The following ST6GALNAC5 variants were observed in gnomAD, a reference collection of about 807,000 sequenced individuals.
ST6GALNAC5 encodes the protein ST6 N-acetylgalactosaminide alpha-2,6-sialyltransferase 5, also known as alpha-N-acetylgalactosaminide alpha-2,6-sialyltransferase 5.
A neutral mutation model predicts 33.6 loss-of-function variants in ST6GALNAC5; 27 were observed. The ratio of observed to expected loss-of-function variants is 0.80; its 90% CI spans 0.59 to 1.11. The LOEUF is 1.11. ST6GALNAC5 is among the 50% of genes least tolerant of loss of function. The pLI, the probability that ST6GALNAC5 is intolerant of heterozygous loss-of-function variation, is 0.00. For synonymous variants in ST6GALNAC5, 194 were observed against 171.2 expected (o/e 1.13, Z -1.04); for missense variants, 428 against 454.0 (o/e 0.94, Z 0.52).
At position 77,002,666 on chromosome 1, in the gene ST6GALNAC5, G is replaced by A. The variant is rs1306995841; in HGVS notation, c.262-41538G>A. On this transcript the variant is annotated intron_variant, in intron 2 of 4. Coordinates refer to ENST00000477717, the MANE Select transcript of ST6GALNAC5 (RefSeq NM_030965.3). ...TCCCTCTACACACTGCTTTGAATGC[G>A]TCCCAGAGATTCTGGTATGTTGTGT... Among the ~76,000 whole-genome samples the A allele has an allele frequency of 4.6e-5, 7 of 150,854 alleles. No homozygotes were observed. In the South Asian group the frequency reaches 6.4e-4, roughly 14 times the overall value.
rs550029981 is a variant in ST6GALNAC5, at chr1:76,898,853, G to A, written c.261+30111G>A. Reference sequence around the variant, plus strand: ...GAATTCGGACCTAGCTCGGCCTGGCGAGGAAGGGAGAGGTCAGATGGGTCT... The same window carrying A: ...GAATTCGGACCTAGCTCGGCCTGGCAAGGAAGGGAGAGGTCAGATGGGTCT... On this transcript the variant is annotated intron_variant, in intron 2 of 4. Coordinates refer to ENST00000477717, the MANE Select transcript of ST6GALNAC5 (RefSeq NM_030965.3). Among the ~76,000 whole-genome samples, 70 of 152,204 alleles carry A rather than the reference G, an allele frequency of 4.6e-4. 2 individuals carry two copies. The highest frequency in any genetic ancestry group is 3.4e-4 in the African/African-American group (14 of 41,512).
chr1:77,036,238 A>G (rs999149472), intron 2 of ST6GALNAC5, among the ~76,000 whole-genome samples: 2 of 152,198 alleles, frequency 1.3e-5, no homozygotes, highest in African/African-American at 4.8e-5. Context: ...TAAAAAGTAG[A>G]TTAGTGGTTG....
At chr1:76,939,542 A>T (rs1647277382) in intron 2 of ST6GALNAC5, among the ~76,000 whole-genome samples, 1 of 152,106 alleles carries the variant, frequency 6.6e-6, no homozygotes, top group African/African-American at 2.4e-5. Context: ...CCCATGGTCC[A>T]CAAAATGTGA....
intron 2 of ST6GALNAC5, among the ~76,000 whole-genome samples, chr1:77,021,686 C>A (rs959437767): frequency 1.3e-5 from 2 of 152,156 alleles, no homozygotes; most frequent in African/African-American, 4.8e-5. Flanking sequence ...CCTTTCTCCT[C>A]TCTGATTGCT....
chr1:76,928,108 A>G (rs916412831), intron 2 of ST6GALNAC5, among the ~76,000 whole-genome samples: 2 of 152,060 alleles, frequency 1.3e-5, no homozygotes, highest in Admixed American at 6.6e-5. Context: ...CTTTGCTGTT[A>G]CTCAACAGTT....
At chr1:77,036,706 T>C (rs1306219771) in intron 2 of ST6GALNAC5, among the ~76,000 whole-genome samples, 1 of 152,282 alleles carries the variant, frequency 6.6e-6, no homozygotes, top group East Asian at 1.9e-4. Context: ...TTTACATGGC[T>C]TATCATTCAC....
intron 2 of ST6GALNAC5, among the ~76,000 whole-genome samples, chr1:76,953,763 TAA>T (rs558580985): frequency 5.8e-4 from 89 of 152,230 alleles, no homozygotes; most frequent in African/African-American, 2.0e-3. Context: ...TATTTTTAAA[TAA>T]AAAGTTTTAG....
intron 2 of ST6GALNAC5, among the ~76,000 whole-genome samples, chr1:76,931,197 C>T (rs1647137503): frequency 6.6e-6 from 1 of 152,042 alleles, no homozygotes; most frequent in Non-Finnish European, 1.5e-5. Context: ...CAAAACACTG[C>T]CAAGAATTAA....
At chr1:76,936,939 T>C (rs1351108371) in intron 2 of ST6GALNAC5, among the ~76,000 whole-genome samples, 3 of 136,554 alleles carry the variant, frequency 2.2e-5, no homozygotes, top group Non-Finnish European at 3.2e-5. Flanking sequence ...GTCAGGAGAC[T>C]GGAAGAGAAG....
chr1:76,867,796 G>A, intron 1 of ST6GALNAC5, 106 bp downstream of exon 1: 3 of 1,535,612 alleles, frequency 2.0e-6, no homozygotes, highest in East Asian at 4.5e-5. Flanking sequence ...TGGGCCGCGA[G>A]GTCGCCTGTT....
At position 76,895,100 on chromosome 1, in the gene ST6GALNAC5, A is replaced by G. The variant is rs549276041; in HGVS notation, c.261+26358A>G. Reference sequence around the variant, plus strand: ...CAGTGTCATCAGTTAAGGCAGGAACAGGCCATTTTCACTTCTTTTGTGGTG... The same window carrying G: ...CAGTGTCATCAGTTAAGGCAGGAACGGGCCATTTTCACTTCTTTTGTGGTG... On this transcript the variant is annotated intron_variant, in intron 2 of 4. Coordinates refer to ENST00000477717, the MANE Select transcript of ST6GALNAC5 (RefSeq NM_030965.3). Among the ~76,000 whole-genome samples the G allele has an allele frequency of 2.7e-3, 412 of 152,300 alleles. 3 individuals carry two copies. The highest frequency in any genetic ancestry group is 4.6e-3 in the East Asian group (24 of 5,170).
Position 77,063,027 on chromosome 1 carries a change from G to C in ST6GALNAC5, c.832G>C (p.Asp278His), listed in dbSNP as rs1318548075. ...TCATTATTATGAACCTTTTGGACCT[G>C]ATGAATGTACAATGTACCTCTCCCA... ...PYHYYEPFGP[D>H]ECTMYLSHER... is the part of the protein sequence containing the mutation. The change falls in exon 5 of 5, where the codon GAT becomes CAT. Residue 278 changes from aspartate to histidine, a missense_variant. Physicochemically the swap from Asp to His is moderately conservative, Grantham distance 81 (BLOSUM62 -1). Coordinates refer to ENST00000477717, the MANE Select transcript of ST6GALNAC5 (RefSeq NM_030965.3). The C allele has an allele frequency of 2.1e-5, 34 of 1,613,768 alleles. No homozygotes were observed. The highest frequency in any genetic ancestry group is 2.9e-5 in the Non-Finnish European group (34 of 1,179,890).
chr1:76,882,765 C>G (rs983057116), intron 2 of ST6GALNAC5, among the ~76,000 whole-genome samples: 8 of 152,190 alleles, frequency 5.3e-5, no homozygotes, highest in Admixed American at 3.9e-4. Context: ...CAGATCTTTT[C>G]ATGTTCCTTG....
At chr1:77,003,915 GC>G (rs1429028384) in intron 2 of ST6GALNAC5, among the ~76,000 whole-genome samples, 1 of 136,324 alleles carries the variant, frequency 7.3e-6, no homozygotes, top group Non-Finnish European at 1.6e-5. Flanking sequence ...CTCTCTGGCT[GC>G]CCTTAACATT....
intron 2 of ST6GALNAC5, among the ~76,000 whole-genome samples, chr1:76,990,585 G>A (rs995139424): frequency 5.9e-5 from 9 of 152,138 alleles, no homozygotes; most frequent in Non-Finnish European, 1.3e-4. Flanking sequence ...GGCTATGAAA[G>A]AAGGCAGCCT....
chr1:76,996,261 T>C (rs1318065465), intron 2 of ST6GALNAC5, among the ~76,000 whole-genome samples: 1 of 152,200 alleles, frequency 6.6e-6, no homozygotes, highest in Non-Finnish European at 1.5e-5. Context: ...TTATGGGGAC[T>C]CTTGTGTATC....
chr1:77,024,756 A>G (rs1181827002), intron 2 of ST6GALNAC5, among the ~76,000 whole-genome samples: 1 of 152,208 alleles, frequency 6.6e-6, no homozygotes, highest in Non-Finnish European at 1.5e-5. Context: ...ATCTGGGCCT[A>G]AGAAGGCACC....
At chr1:76,927,255 C>A (rs2100304166) in intron 2 of ST6GALNAC5, among the ~76,000 whole-genome samples, 1 of 151,864 alleles carries the variant, frequency 6.6e-6, no homozygotes, top group East Asian at 1.9e-4. Context: ...ATTCAGAGTT[C>A]TAAAAAATAT....
At chr1:77,034,013 G>A (rs560346865) in intron 2 of ST6GALNAC5, among the ~76,000 whole-genome samples, 2 of 152,164 alleles carry the variant, frequency 1.3e-5, no homozygotes, top group Non-Finnish European at 2.9e-5. Flanking sequence ...ACTGGTGGGA[G>A]GGTGTTAGGC....
Sources: allele counts gnomAD v4.1 joint callset (sites outside exome capture counted in the v4.1 genomes callset), GRCh38; gene constraint gnomAD v4.1.1; transcripts MANE v1.5; gene names NCBI Gene and HGNC (gene_info 2026-07-23, HGNC 2026-07-21).